The following LIG3 variants were observed in gnomAD, a reference collection of about 807,000 sequenced individuals.
LIG3 encodes the protein DNA ligase 3.
A neutral mutation model predicts 110.9 loss-of-function variants in LIG3; 58 were observed. That is an observed-to-expected ratio of 0.52 (90% CI 0.42 to 0.65). The LOEUF (loss-of-function observed/expected upper bound fraction) is 0.65, where lower values mean the gene tolerates loss of function less well. LIG3 is among the 30% of genes least tolerant of loss of function. LIG3 has a pLI of 0.00. For missense variants in LIG3, 1,094 were observed against 1,273.8 expected (o/e 0.86, Z 2.15); for synonymous variants, 422 against 472.8 (o/e 0.89, Z 1.39).
intron 19 of LIG3, chr17:35,003,228 TCTC>T: frequency 7.1e-7 from 1 of 1,399,644 alleles, no homozygotes; most frequent in Non-Finnish European, 9.6e-7. Context: ...GCTTGGTGAC[TCTC>T]CTCCCACCTG....
chr17:34,989,785 A>G, intron 4 of LIG3, 122 bp downstream of exon 4: 1 of 853,792 alleles, frequency 1.2e-6, no homozygotes, highest in Non-Finnish European at 1.9e-6. Flanking sequence ...GCTGTACTGT[A>G]GTGCTATCTG....
chr17:35,001,280 A>G lies in LIG3; in HGVS notation c.2355A>G (p.Thr785=). 1.9e-6 allele frequency: 3 copies of G among 1,614,086 alleles called. No individual in the cohort carries two copies. Among genetic ancestry groups the G allele is most frequent in the East Asian group, 2.2e-5 (1 of 44,880 alleles). Residue 785 remains threonine, a synonymous_variant, in exon 17 of 20, where the codon ACA becomes ACG. Transcript: ENST00000378526. ...DPKKAAVWEI[T]GAEFSKSEAH... ...AGAAAGCTGCCGTGTGGGAGATCACAGGGGCTGAATTCTCCAAATCGGAGG... is the reference window on the plus strand; with the variant it reads ...AGAAAGCTGCCGTGTGGGAGATCACGGGGGCTGAATTCTCCAAATCGGAGG...
chr17:34,986,277 A>T, intron 3 of LIG3, 146 bp downstream of exon 3: 1 of 802,374 alleles, frequency 1.2e-6, no homozygotes, highest in Non-Finnish European at 2.0e-6. Flanking sequence ...GGTAATGGCT[A>T]ATTCTAAGCC....
intron 2 of LIG3, 96 bp downstream of exon 2, chr17:34,983,648 T>C: frequency 8.3e-7 from 1 of 1,210,936 alleles, no homozygotes; most frequent in Non-Finnish European, 1.1e-6. Context: ...TTAACTTTGC[T>C]CTTTTAGAGA....
intron 14 of LIG3, 140 bp downstream of exon 14, chr17:34,998,867 G>A (rs1269843200): frequency 4.9e-6 from 5 of 1,027,514 alleles, no homozygotes; most frequent in Admixed American, 2.8e-5. Context: ...GCCCCAAGCT[G>A]GCCTGAGTCA....
rs2142263659 is a variant in LIG3, at chr17:34,994,431, G to C, written c.1611G>C (p.Lys537Asn). Residue 537 changes from lysine to asparagine, a missense_variant and splice_region_variant, in exon 9 of 20, where the codon AAG (lysine) becomes AAC (asparagine). Coordinates refer to ENST00000378526, the MANE Select transcript of LIG3 (RefSeq NM_013975.4). ...SRSLKPVLPH[K>N]VAHFKDYIPQ... ...GTCTCAAGCCCGTCCTTCCTCACAA[G>C]GTATGAGTGCCTTCCTTTCTGCCAG... The C allele has an allele frequency of 6.2e-7, 1 of 1,613,142 alleles. No homozygotes were observed. Among genetic ancestry groups the C allele is most frequent in the Non-Finnish European group, 8.5e-7 (1 of 1,179,526 alleles).
In LIG3 at chr17:34,997,726, T is replaced by A. The variant is rs748161076; in HGVS notation, c.1824-12T>A. ...GATCCCGGCCTAACCTCAGCTCTCC[T>A]GTTCTCCTCAGACCTCTGTGTGAGC... On this transcript the variant is annotated splice_polypyrimidine_tract_variant and intron_variant, in intron 11 of 19. Transcript: ENST00000378526. 4.4e-6 allele frequency: 7 copies of A among 1,608,090 alleles called. No individual in the cohort carries two copies. Among genetic ancestry groups the A allele is most frequent in the Non-Finnish European group, 6.0e-6 (7 of 1,174,520 alleles).
At chr17:35,003,314 T>C (rs565836084) in intron 19 of LIG3, 1 of 597,400 alleles carries the variant, frequency 1.7e-6, no homozygotes, top group East Asian at 3.7e-5. Flanking sequence ...TTCTTTTTTT[T>C]TTTGAGATAA....
chr17:34,990,836 A>G (rs1037149820), intron 4 of LIG3, 127 bp from the exon 5 acceptor site: 15 of 799,904 alleles, frequency 1.9e-5, no homozygotes, highest in East Asian at 8.1e-5. Context: ...AGCTTAAGCA[A>G]TTCTCCTGCT....
Position 35,004,388 on chromosome 17 carries a change from A to C in LIG3, c.2912A>C (p.Asp971Ala), listed in dbSNP as rs1430541828. The part of the protein sequence containing the change: ...AFDGDLVQEF[D>A]MTSATHVLGS... ...GACGGGGACCTGGTACAGGAATTTG[A>C]TATGACTTCAGCCACGCACGTGCTG... Residue 971 changes from aspartate to alanine, a missense_variant, in exon 20 of 20, where the codon GAT (aspartate) becomes GCT (alanine). Physicochemically the swap from Asp to Ala is moderately radical, Grantham distance 126 (BLOSUM62 -2). Transcript: ENST00000378526. 5 of 1,614,216 alleles carry C rather than the reference A, an allele frequency of 3.1e-6. No individual in the cohort carries two copies. The East Asian group carries it at 1.1e-4, about 36-fold the overall frequency.
At chr17:34,991,633 T>C (rs758396892) in intron 5 of LIG3, 38 bp from the exon 6 acceptor site, 2 of 1,607,688 alleles carry the variant, frequency 1.2e-6, no homozygotes, top group East Asian at 2.2e-5. Flanking sequence ...TTGGCCACCC[T>C]AGGGTTGCAG....
chr17:34,993,822 G>T (rs1167533064), intron 8 of LIG3, among the ~76,000 whole-genome samples: 1 of 152,092 alleles, frequency 6.6e-6, no homozygotes, highest in African/African-American at 2.4e-5. Flanking sequence ...CCAATATCTG[G>T]AAACCCTGTT....
chr17:35,010,152 G>C (rs895428153), downstream of LIG3: 1 of 152,206 alleles, frequency 6.6e-6, no homozygotes, highest in African/African-American at 2.4e-5. Flanking sequence ...AAATATGTCT[G>C]TACCAATGTA....
intron 3 of LIG3, among the ~76,000 whole-genome samples, chr17:34,987,484 T>C (rs1035327873): frequency 6.6e-6 from 1 of 152,220 alleles, no homozygotes; most frequent in African/African-American, 2.4e-5. Flanking sequence ...TTTGGAGACA[T>C]TCTTGTGATT....
At chr17:34,986,325 T>A (rs1030427303) in intron 3 of LIG3, among the ~76,000 whole-genome samples, 194 bp downstream of exon 3, 1 of 152,040 alleles carries the variant, frequency 6.6e-6, no homozygotes, top group African/African-American at 2.4e-5. Context: ...GTTTTTTGGT[T>A]TTGGGGGTTT....
intron 4 of LIG3, among the ~76,000 whole-genome samples, 186 bp from the exon 5 acceptor site, chr17:34,990,777 T>C (rs3135980): frequency 0.15 from 23,050 of 152,176 alleles, 2,111 homozygotes; most frequent in Non-Finnish European, 0.21. Flanking sequence ...TTTTAATTTT[T>C]TGTAGAGATG....
intron 8 of LIG3, among the ~76,000 whole-genome samples, chr17:34,992,984 C>T (rs16970494): frequency 0.023 from 3,442 of 152,122 alleles, 158 homozygotes; most frequent in African/African-American, 0.079. Context: ...GTGTGGATGA[C>T]GTCTGAGACT....
intron 9 of LIG3, among the ~76,000 whole-genome samples, chr17:34,995,160 A>G (rs1406113605): frequency 6.6e-6 from 1 of 152,146 alleles, no homozygotes; most frequent in Non-Finnish European, 1.5e-5. Flanking sequence ...TCAGAGCCTC[A>G]GGGGGTTCAG....
intron 7 of LIG3, 71 bp from the exon 8 acceptor site, chr17:34,992,453 A>T: frequency 7.0e-7 from 1 of 1,430,656 alleles, no homozygotes; most frequent in Non-Finnish European, 9.5e-7. Flanking sequence ...GTGAGGACAG[A>T]TTGCTGTCCA....
Sources: gnomAD v4.1 joint callset for allele counts (sites outside exome capture counted in the v4.1 genomes callset) on GRCh38, gnomAD v4.1.1 for gene constraint, MANE v1.5 for transcripts, NCBI Gene and HGNC (gene_info 2026-07-23, HGNC 2026-07-21) for gene names.